Variants in PKIB observed in about 807,000 individuals in gnomAD.
PKIB encodes PKI-beta.
PKIB carries 2 observed loss-of-function variants against 4.5 expected under a neutral mutation model. The observed-to-expected ratio is 0.44, with a 90% CI of 0.18 to 1.39. The LOEUF (loss-of-function observed/expected upper bound fraction) is 1.39. Ranked by LOEUF, PKIB falls within the 40% of genes most tolerant of loss-of-function variation. The pLI is 0.27. For missense variants in PKIB, 94 were observed against 92.6 expected, an observed-to-expected ratio of 1.02 and a Z score of -0.06; for synonymous variants, 38 against 36.0, an observed-to-expected ratio of 1.06 and a Z score of -0.20.
chr6:122,508,536 T>C (rs1300192208), intron 2 of PKIB, among the ~76,000 whole-genome samples: 1 of 152,174 alleles, frequency 6.6e-6, no homozygotes, highest in Non-Finnish European at 1.5e-5. Context: ...ACAAGTCAGC[T>C]TGTTTATTAG....
At chr6:122,495,924 C>T (rs1464536095) in intron 2 of PKIB, among the ~76,000 whole-genome samples, 1 of 152,166 alleles carries the variant, frequency 6.6e-6, no homozygotes, top group Non-Finnish European at 1.5e-5. Context: ...CATGGAGACT[C>T]ATTTCCCCAG....
chr6:122,525,788 G>A (rs964361338), intron 2 of PKIB, among the ~76,000 whole-genome samples: 5 of 152,120 alleles, frequency 3.3e-5, no homozygotes, highest in African/African-American at 1.2e-4. Context: ...GGTGGTTGCT[G>A]AAGGTTGAAG....
At chr6:122,490,900 A>G (rs73545246) in intron 2 of PKIB, among the ~76,000 whole-genome samples, 211 of 152,280 alleles carry the variant, frequency 1.4e-3, no homozygotes, top group African/African-American at 4.9e-3. Flanking sequence ...ATGACCCTTT[A>G]GAGTTGCCTG....
chr6:122,570,389 A>G (rs559308619), intron 2 of PKIB, among the ~76,000 whole-genome samples: 2 of 152,244 alleles, frequency 1.3e-5, no homozygotes, highest in South Asian at 2.1e-4. Flanking sequence ...TTTAGCTACA[A>G]CCAGTGCCTA....
intron 3 of PKIB, among the ~76,000 whole-genome samples, chr6:122,695,008 A>G (rs1199398778): frequency 6.6e-6 from 1 of 152,174 alleles, no homozygotes; most frequent in Non-Finnish European, 1.5e-5. Flanking sequence ...CCTACGCTGC[A>G]TTCTTTGGAG....
intron 3 of PKIB, among the ~76,000 whole-genome samples, chr6:122,587,599 C>T (rs1164210803): frequency 6.6e-6 from 1 of 152,194 alleles, no homozygotes; most frequent in African/African-American, 2.4e-5. Context: ...GAGGAATTGT[C>T]ACACTGACTT....
chr6:122,553,590 T>A (rs1359405037), intron 2 of PKIB, among the ~76,000 whole-genome samples: 1 of 149,310 alleles, frequency 6.7e-6, no homozygotes, highest in Non-Finnish European at 1.5e-5. Context: ...CATCCATAGG[T>A]CTGTCTCCCT....
chr6:122,695,643 C>T (rs1402057465), intron 3 of PKIB, among the ~76,000 whole-genome samples: 1 of 148,806 alleles, frequency 6.7e-6, no homozygotes, highest in Admixed American at 6.6e-5. Flanking sequence ...TAGGTGACTT[C>T]TTTATAACTT....
upstream of PKIB, among the ~76,000 whole-genome samples, chr6:122,606,124 G>T (rs1774526844): frequency 6.6e-6 from 1 of 152,202 alleles, no homozygotes; most frequent in Non-Finnish European, 1.5e-5. Context: ...GAACTGGGTG[G>T]ATGCAAAATC....
At chr6:122,586,569 A>C (rs1476351057) in intron 3 of PKIB, among the ~76,000 whole-genome samples, 2 of 152,140 alleles carry the variant, frequency 1.3e-5, no homozygotes, top group Non-Finnish European at 2.9e-5. Context: ...ATGTGGATTA[A>C]AAAATGGTTA....
intron 2 of PKIB, among the ~76,000 whole-genome samples, chr6:122,643,023 T>A (rs1776179557): frequency 6.6e-6 from 1 of 152,042 alleles, no homozygotes; most frequent in Non-Finnish European, 1.5e-5. Flanking sequence ...GTGTACCTGG[T>A]AGGGGAGAGA....
chr6:122,700,602 C>T (rs990172209), intron 3 of PKIB, among the ~76,000 whole-genome samples: 1 of 152,186 alleles, frequency 6.6e-6, no homozygotes, highest in Non-Finnish European at 1.5e-5. Context: ...ATAACCCAGA[C>T]TCAATAGACC....
At chr6:122,499,137 A>G (rs1776153793) in intron 2 of PKIB, among the ~76,000 whole-genome samples, 2 of 152,206 alleles carry the variant, frequency 1.3e-5, no homozygotes, top group South Asian at 4.1e-4. Flanking sequence ...CCAGACATAC[A>G]AAGAAGAGTT....
intron 2 of PKIB, among the ~76,000 whole-genome samples, chr6:122,652,327 TGTGTGTGGAG>T (rs767050097): frequency 0.046 from 3,416 of 74,552 alleles, 58 homozygotes; most frequent in Non-Finnish European, 0.066. Context: ...TGTGTGTGTG[TGTGTGTGGAG>T]AGAGAGAGAT....
At chr6:122,613,851 T>G (rs958825000) in intron 1 of PKIB, among the ~76,000 whole-genome samples, 1 of 150,708 alleles carries the variant, frequency 6.6e-6, no homozygotes, top group Non-Finnish European at 1.5e-5. Flanking sequence ...TAGTCCCAGC[T>G]ATTTGGGAGG....
At chr6:122,597,188 G>T (rs1291255190) in intron 3 of PKIB, among the ~76,000 whole-genome samples, 1 of 152,182 alleles carries the variant, frequency 6.6e-6, no homozygotes, top group African/African-American at 2.4e-5. Flanking sequence ...TGGCTCACTG[G>T]ATCCAATGAG....
intron 3 of PKIB, among the ~76,000 whole-genome samples, chr6:122,690,924 A>T (rs943783788): frequency 0.084 from 3,259 of 38,624 alleles, 121 homozygotes; most frequent in African/African-American, 0.16. Flanking sequence ...GGATATATAT[A>T]TATATATATT....
chr6:122,530,458 G>A (rs1210151046), intron 2 of PKIB, among the ~76,000 whole-genome samples: 1 of 152,094 alleles, frequency 6.6e-6, no homozygotes, highest in African/African-American at 2.4e-5. Context: ...TCTGGAGTTT[G>A]TTCCTTTGAT....
chr6:122,477,503 A>G (rs967584438), intron 1 of PKIB, among the ~76,000 whole-genome samples: 23 of 152,352 alleles, frequency 1.5e-4, no homozygotes, highest in South Asian at 1.0e-3. Flanking sequence ...ATGATACTAT[A>G]TGAAATTTGC....
Sources: gnomAD v4.1 joint callset for allele counts (sites outside exome capture counted in the v4.1 genomes callset) on GRCh38, gnomAD v4.1.1 for gene constraint, MANE v1.5 for transcripts, NCBI Gene and HGNC (gene_info 2026-07-23, HGNC 2026-07-21) for gene names.